The following GATAD2A variants were observed in gnomAD, a reference collection of about 807,000 sequenced individuals.
GATAD2A encodes the protein GATA zinc finger domain containing 2A.
A neutral mutation model predicts 68.5 loss-of-function variants in GATAD2A; 12 were observed. The ratio of observed to expected loss-of-function variants is 0.18; its 90% CI spans 0.11 to 0.28. The LOEUF (loss-of-function observed/expected upper bound fraction) is 0.28, where lower values mean the gene tolerates loss of function less well. Among genes scored for constraint, GATAD2A ranks in the 10% least tolerant of loss-of-function variants. The pLI, the probability that GATAD2A is intolerant of heterozygous loss-of-function variation, is 1.00. For missense variants in GATAD2A, 755 were observed against 868.5 expected (o/e 0.87, Z 1.64); for synonymous variants, 410 against 375.3 (o/e 1.09, Z -1.07).
At chr19:19,458,386 T>C in intron 1 of GATAD2A, 1 of 152,266 alleles carries the variant, frequency 6.6e-6, no homozygotes, top group East Asian at 1.9e-4. Context: ...ACTTGTTTGC[T>C]CCTCTTTGCC....
chr19:19,473,920 T>C (rs2058494374), intron 2 of GATAD2A: 1 of 396,968 alleles, frequency 2.5e-6, no homozygotes, highest in Admixed American at 6.4e-5. Context: ...CACTCCAGCC[T>C]GGGCGACAGA....
chr19:19,456,832 G>A (rs1470081400), intron 1 of GATAD2A, among the ~76,000 whole-genome samples: 1 of 152,208 alleles, frequency 6.6e-6, no homozygotes, highest in Admixed American at 6.5e-5. Context: ...TTGAGTGGTT[G>A]ATGGGGCCTT....
intron 1 of GATAD2A, among the ~76,000 whole-genome samples, chr19:19,414,530 CTTTTTTTTTTTTT>C (rs758728889): frequency 8.5e-5 from 6 of 70,212 alleles, no homozygotes; most frequent in South Asian, 5.7e-4. Flanking sequence ...AGGGCCTTGT[CTTTTTTTTTTTTT>C]TTTTTTTTTT....
At chr19:19,467,974 A>G (rs1329028903) in intron 2 of GATAD2A, among the ~76,000 whole-genome samples, 2 of 152,148 alleles carry the variant, frequency 1.3e-5, no homozygotes, top group East Asian at 3.8e-4. Context: ...TGAGTGTTTT[A>G]TATTCTACAT....
intron 1 of GATAD2A, among the ~76,000 whole-genome samples, chr19:19,420,943 A>T (rs1485359417): frequency 6.6e-6 from 1 of 152,226 alleles, no homozygotes; most frequent in Non-Finnish European, 1.5e-5. Flanking sequence ...TTCAGTAACA[A>T]AACCTCTTGT....
At chr19:19,498,770 G>A in intron 8 of GATAD2A, 48 bp downstream of exon 8, 1 of 1,521,200 alleles carries the variant, frequency 6.6e-7, no homozygotes, top group Non-Finnish European at 9.0e-7. Context: ...TGGCCTCCAA[G>A]GGTGCTGCCC....
intron 1 of GATAD2A, among the ~76,000 whole-genome samples, chr19:19,386,327 G>A (rs1002189606): frequency 6.6e-6 from 1 of 151,186 alleles, no homozygotes; most frequent in Non-Finnish European, 1.5e-5. Flanking sequence ...AGGAGACCCC[G>A]TCTCTCTTAG....
intron 1 of GATAD2A, among the ~76,000 whole-genome samples, chr19:19,453,654 A>G (rs1360614357): frequency 2.7e-5 from 4 of 150,394 alleles, no homozygotes; most frequent in Non-Finnish European, 5.9e-5. Context: ...TACCACCACA[A>G]CTGGCTATTT....
Position 19,491,539 on chromosome 19 carries a change from C to T in GATAD2A, c.270-767C>T, listed in dbSNP as rs10423185. On this transcript the variant is annotated intron_variant, in intron 2 of 11. Transcript: ENST00000683918. Reference sequence around the variant, plus strand: ...ACAGGCAGAATGACCTTGGCATCCACGTGGGGCTGGAGGCAGCCAGCCAGA... The same window carrying T: ...ACAGGCAGAATGACCTTGGCATCCATGTGGGGCTGGAGGCAGCCAGCCAGA... Among the ~76,000 whole-genome samples, 1,507 of 152,290 alleles carry T rather than the reference C, an allele frequency of 9.9e-3. 27 individuals carry two copies. Among genetic ancestry groups the T allele is most frequent in the African/African-American group, 0.034 (1,433 of 41,558 alleles).
intron 1 of GATAD2A, among the ~76,000 whole-genome samples, chr19:19,428,267 A>G (rs1365629242): frequency 1.3e-5 from 2 of 152,222 alleles, no homozygotes. Flanking sequence ...GGCACTTAAG[A>G]TCTGGGGTCG....
chr19:19,427,938 C>T (rs959021767), intron 1 of GATAD2A: 2 of 152,210 alleles, frequency 1.3e-5, no homozygotes, highest in African/African-American at 4.8e-5. Flanking sequence ...CCACCTGCCT[C>T]AGCCTCTCAA....
At chr19:19,460,588 G>A (rs916554597) in intron 1 of GATAD2A, among the ~76,000 whole-genome samples, 5 of 152,146 alleles carry the variant, frequency 3.3e-5, no homozygotes, top group African/African-American at 7.2e-5. Context: ...GGGGCTCATC[G>A]TGGGCCTCGC....
intron 1 of GATAD2A, among the ~76,000 whole-genome samples, chr19:19,443,608 C>T (rs1047324178): frequency 1.3e-5 from 2 of 152,078 alleles, no homozygotes; most frequent in African/African-American, 4.8e-5. Context: ...GAGAAAGGAG[C>T]GGCATGTGGA....
chr19:19,421,944 C>T (rs1409612919), intron 1 of GATAD2A, among the ~76,000 whole-genome samples: 2 of 152,104 alleles, frequency 1.3e-5, no homozygotes, highest in African/African-American at 4.8e-5. Flanking sequence ...GCCCCAGCCT[C>T]CCACGTAGCT....
At chr19:19,459,438 A>G (rs578039328) in intron 1 of GATAD2A, among the ~76,000 whole-genome samples, 8 of 140,830 alleles carry the variant, frequency 5.7e-5, no homozygotes, top group African/African-American at 2.1e-4. Flanking sequence ...AGTTCTTTCC[A>G]TTTTTCTTCA....
intron 1 of GATAD2A, among the ~76,000 whole-genome samples, chr19:19,387,693 G>A (rs1013367713): frequency 1.3e-5 from 2 of 152,062 alleles, no homozygotes; most frequent in East Asian, 1.9e-4. Context: ...TGACTGGATC[G>A]TTAGTTTTCT....
intron 11 of GATAD2A, among the ~76,000 whole-genome samples, chr19:19,503,309 C>A (rs1301607159): frequency 6.6e-6 from 1 of 152,140 alleles, no homozygotes; most frequent in Non-Finnish European, 1.5e-5. Flanking sequence ...AGAGGACAAT[C>A]ATGAGACAGG....
chr19:19,441,545 A>T (rs1417291601), intron 1 of GATAD2A: 1 of 154,912 alleles, frequency 6.5e-6, no homozygotes, highest in African/African-American at 2.4e-5. Context: ...GCAAATTTTT[A>T]AATTTGGGTT....
At chr19:19,425,882 T>C (rs2053023862) in intron 1 of GATAD2A, among the ~76,000 whole-genome samples, 1 of 152,050 alleles carries the variant, frequency 6.6e-6, no homozygotes, top group African/African-American at 2.4e-5. Context: ...CTCCACCTCC[T>C]GGGCTTAAGG....
Sources: allele counts gnomAD v4.1 joint callset (sites outside exome capture counted in the v4.1 genomes callset), GRCh38; gene constraint gnomAD v4.1.1; transcripts MANE v1.5; gene names NCBI Gene and HGNC (gene_info 2026-07-23, HGNC 2026-07-21).